The following SORBS2 variants were observed in gnomAD, a reference collection of about 807,000 sequenced individuals.
The protein encoded by SORBS2 is sorbin and SH3 domain containing 2.
SORBS2 carries 46 observed loss-of-function variants against 97.7 expected under a neutral mutation model. The observed-to-expected ratio is 0.47, with a 90% CI of 0.37 to 0.60. SORBS2 has a LOEUF of 0.60. Ranked by LOEUF, SORBS2 falls within the 20% of genes least tolerant of loss-of-function variation. The probability of loss-of-function intolerance (pLI) is 0.00; values close to 1 mark genes in which losing one functional copy is unlikely to be tolerated. For synonymous variants in SORBS2, 476 were observed against 473.4 expected, an observed-to-expected ratio of 1.01 and a Z score of -0.07; for missense variants, 1,316 against 1,282.3, an observed-to-expected ratio of 1.03 and a Z score of -0.40.
intron 1 of SORBS2, among the ~76,000 whole-genome samples, chr4:185,820,986 GA>G: frequency 6.6e-6 from 1 of 152,268 alleles, no homozygotes; most frequent in South Asian, 2.1e-4. Flanking sequence ...GATTCAATCC[GA>G]CAAACATTTC....
chr4:185,586,636 T>A (rs998217458), exon 15 of SORBS2: 7 of 152,692 alleles, frequency 4.6e-5, no homozygotes, highest in African/African-American at 1.7e-4. Flanking sequence ...ATGGATTATA[T>A]GTTCTCATAC....
At chr4:185,737,229 A>T (rs1019359050) in intron 2 of SORBS2, among the ~76,000 whole-genome samples, 2 of 152,220 alleles carry the variant, frequency 1.3e-5, no homozygotes, top group South Asian at 4.1e-4. Context: ...TCTGCTTTCA[A>T]GTTCCAGGTT....
At chr4:185,880,674 C>A (rs1329460171) in intron 1 of SORBS2, among the ~76,000 whole-genome samples, 2 of 152,106 alleles carry the variant, frequency 1.3e-5, no homozygotes, top group African/African-American at 4.8e-5. Context: ...ATTTTCTCAC[C>A]CCTTTCCATC....
chr4:185,793,709 A>AT lies in SORBS2; in HGVS notation c.-337-18344dup, dbSNP rs548566402. On this transcript the variant is annotated intron_variant, in intron 1 of 20. Coordinates refer to the SORBS2 transcript ENST00000284776. ...AAAGATTTCCTTTCCATCTCTGGGGATTTTTTTTATTGATGATGAAGTTAT... is the reference window on the plus strand; with the variant it reads ...AAAGATTTCCTTTCCATCTCTGGGGATTTTTTTTTATTGATGATGAAGTTAT... Among the ~76,000 whole-genome samples, 382 of 151,864 alleles carry AT rather than the reference A, an allele frequency of 2.5e-3. 1 individual carries two copies. Among genetic ancestry groups the AT allele is most frequent in the African/African-American group, 8.5e-3 (352 of 41,384 alleles).
At chr4:185,751,361 T>C (rs566830215) in intron 2 of SORBS2, among the ~76,000 whole-genome samples, 1 of 151,906 alleles carries the variant, frequency 6.6e-6, no homozygotes, top group South Asian at 2.1e-4. Context: ...CGAGACAGGC[T>C]GAGACAAAGC....
chr4:185,638,834 C>A (rs913282501), intron 4 of SORBS2, 43 bp downstream of exon 14: 3 of 1,418,404 alleles, frequency 2.1e-6, no homozygotes, highest in Non-Finnish European at 2.8e-6. Context: ...TGCACCTGCA[C>A]CTCTGCCGGG....
chr4:185,697,338 T>C (rs2098190722), intron 2 of SORBS2, among the ~76,000 whole-genome samples: 1 of 152,212 alleles, frequency 6.6e-6, no homozygotes, highest in Non-Finnish European at 1.5e-5. Flanking sequence ...ATTAGACTGA[T>C]TTCTATGGAT....
intron 2 of SORBS2, among the ~76,000 whole-genome samples, chr4:185,717,114 C>T (rs13147441): frequency 0.25 from 38,708 of 152,156 alleles, 5,537 homozygotes; most frequent in Non-Finnish European, 0.33. Flanking sequence ...TGGAAGTATA[C>T]TGAGAAGAGC....
chr4:185,696,143 C>G (rs193098179), intron 2 of SORBS2, among the ~76,000 whole-genome samples: 1 of 152,184 alleles, frequency 6.6e-6, no homozygotes, highest in Admixed American at 6.5e-5. Context: ...GAACATGAGG[C>G]CGTTGATAAT....
chr4:185,725,714 A>G (rs900721715), intron 2 of SORBS2, among the ~76,000 whole-genome samples: 1 of 152,096 alleles, frequency 6.6e-6, no homozygotes, highest in Non-Finnish European at 1.5e-5. Flanking sequence ...ATTTTATTTT[A>G]TCAAATAAAT....
At chr4:185,714,826 C>A (rs947473644) in intron 2 of SORBS2, among the ~76,000 whole-genome samples, 1 of 152,212 alleles carries the variant, frequency 6.6e-6, no homozygotes, top group Non-Finnish European at 1.5e-5. Context: ...CACCTGGCCC[C>A]ACCCTTGACA....
intron 2 of SORBS2, among the ~76,000 whole-genome samples, chr4:185,736,408 A>G (rs2098688062): frequency 6.6e-6 from 1 of 152,206 alleles, no homozygotes; most frequent in African/African-American, 2.4e-5. Flanking sequence ...GCAAAGGTAA[A>G]AGAAGCCTGA....
At chr4:185,931,709 T>C (rs560822554) in intron 1 of SORBS2, among the ~76,000 whole-genome samples, 1 of 151,800 alleles carries the variant, frequency 6.6e-6, no homozygotes, top group South Asian at 2.1e-4. Context: ...TTAGACTAAA[T>C]GGGCCAAGGA....
At position 185,633,254 on chromosome 4, in the gene SORBS2, A is replaced by G. The variant is rs149350076; in HGVS notation, c.397-2656T>C. ...CGGTAGCTAAGGTAATGTCTAATCA[A>G]TTACATTTGTTTTTACCAGAAATGT... is the stretch of plus-strand genomic sequence containing the variant. On this transcript the variant is annotated intron_variant, in intron 4 of 14. Transcript: ENST00000418609. Among the ~76,000 whole-genome samples, 954 of 152,316 alleles carry G rather than the reference A, an allele frequency of 6.3e-3. 8 individuals carry two copies. Among genetic ancestry groups the G allele is most frequent in the African/African-American group, 0.021 (863 of 41,578 alleles).
At position 185,895,216 on chromosome 4, in the gene SORBS2, G is replaced by A. The variant is rs566951220; in HGVS notation, c.-338+60980C>T. Reference sequence around the variant, plus strand: ...CAGGGCAAGCCCTGATGCCACTGAAGCAACAGCAGTGAACTAAGTCAGGGC... The same window carrying A: ...CAGGGCAAGCCCTGATGCCACTGAAACAACAGCAGTGAACTAAGTCAGGGC... On this transcript the variant is annotated intron_variant, in intron 1 of 20. Coordinates refer to the SORBS2 transcript ENST00000284776. Among the ~76,000 whole-genome samples the A allele has an allele frequency of 1.2e-4, 19 of 152,336 alleles. No homozygotes were observed. The East Asian group carries it at 3.7e-3, about 29-fold the overall frequency.
chr4:185,919,157 T>C (rs567209269), intron 1 of SORBS2, among the ~76,000 whole-genome samples: 2 of 152,332 alleles, frequency 1.3e-5, no homozygotes, highest in South Asian at 4.1e-4. Context: ...TGAACCAGCA[T>C]AGTTAACCCA....
At chr4:185,854,654 T>G (rs1034888405) in intron 1 of SORBS2, among the ~76,000 whole-genome samples, 2 of 152,148 alleles carry the variant, frequency 1.3e-5, no homozygotes, top group African/African-American at 4.8e-5. Context: ...GAATCTGCAT[T>G]TGAAGTTAAG....
intron 12 of SORBS2, among the ~76,000 whole-genome samples, chr4:185,600,487 C>T (rs1459215163): frequency 7.2e-5 from 11 of 152,106 alleles, no homozygotes; most frequent in Non-Finnish European, 1.0e-4. Flanking sequence ...CACAGGCACC[C>T]GCCACCAGGC....
At chr4:185,931,648 C>T (rs775875522) in intron 1 of SORBS2, among the ~76,000 whole-genome samples, 7 of 152,026 alleles carry the variant, frequency 4.6e-5, no homozygotes, top group Non-Finnish European at 1.0e-4. Context: ...GGATCAGACC[C>T]CAAGTGCAGG....
Sources: gnomAD v4.1 joint callset for allele counts (sites outside exome capture counted in the v4.1 genomes callset) on GRCh38, gnomAD v4.1.1 for gene constraint, MANE v1.5 for transcripts, NCBI Gene and HGNC (gene_info 2026-07-23, HGNC 2026-07-21) for gene names.